Variants in ADGRB3 observed in about 807,000 individuals in gnomAD.
ADGRB3 encodes adhesion G protein-coupled receptor B3.
A neutral mutation model predicts 193.4 loss-of-function variants in ADGRB3; 37 were observed. The observed-to-expected ratio is 0.19, with a 90% CI of 0.15 to 0.25. The LOEUF (loss-of-function observed/expected upper bound fraction) is 0.25. Among genes scored for constraint, ADGRB3 ranks in the 10% least tolerant of loss-of-function variants. The pLI, the probability that ADGRB3 is intolerant of heterozygous loss-of-function variation, is 1.00. For synonymous variants in ADGRB3, 690 were observed against 644.2 expected (o/e 1.07, Z -1.08); for missense variants, 1,637 against 1,852.9 (o/e 0.88, Z 2.14).
rs746281020 is a variant in ADGRB3, at chr6:69,030,956, T to TTCTTTTC, written c.2107+12458_2107+12459insCTTTTCT. Among the ~76,000 whole-genome samples, 28 of 72,426 alleles carry TTCTTTTC rather than the reference T, an allele frequency of 3.9e-4. 3 individuals are homozygous for TTCTTTTC. Among genetic ancestry groups the TTCTTTTC allele is most frequent in the African/African-American group, 1.5e-3 (26 of 17,254 alleles). The allele number at this position is 72,426 out of a possible 152,430, so 47.5% of individuals were successfully genotyped here. A position where few individuals can be genotyped will look rare whatever the true frequency, so the allele number is the denominator to read the frequency against. On this transcript the variant is annotated intron_variant, in intron 13 of 31. Coordinates refer to ENST00000370598, the MANE Select transcript of ADGRB3 (RefSeq NM_001704.3). ...GGTTTTAATTTTCTTTTCTTTTCTTTTTTTCTTTTCTTTTCTTTTCTTTTC... is the reference window on the plus strand; with the variant it reads ...GGTTTTAATTTTCTTTTCTTTTCTTTTCTTTTCTTTTCTTTTCTTTTCTTTTCTTTTC...
intron 13 of ADGRB3, among the ~76,000 whole-genome samples, chr6:69,031,783 C>T (rs117681440): frequency 2.1e-3 from 316 of 151,520 alleles, no homozygotes; most frequent in Non-Finnish European, 2.9e-3. Flanking sequence ...TACAGTCATG[C>T]GCCACCACGC....
At chr6:69,037,985 T>G (rs888594469) in intron 13 of ADGRB3, among the ~76,000 whole-genome samples, 2 of 152,198 alleles carry the variant, frequency 1.3e-5, no homozygotes, top group African/African-American at 2.4e-5. Flanking sequence ...TCCATGAGGA[T>G]GGAGACTTTT....
intron 3 of ADGRB3, among the ~76,000 whole-genome samples, chr6:68,775,305 G>T (rs902079473): frequency 5.9e-5 from 9 of 152,154 alleles, no homozygotes; most frequent in African/African-American, 2.2e-4. Context: ...AACACTACCG[G>T]CTAGCTAAGG....
At chr6:68,888,314 G>A (rs1373101952) in intron 3 of ADGRB3, among the ~76,000 whole-genome samples, 1 of 152,082 alleles carries the variant, frequency 6.6e-6, no homozygotes, top group East Asian at 1.9e-4. Flanking sequence ...TTTATAATAA[G>A]AGATACGGTA....
At chr6:68,948,718 T>C (rs1767838678) in intron 6 of ADGRB3, among the ~76,000 whole-genome samples, 2 of 152,100 alleles carry the variant, frequency 1.3e-5, no homozygotes, top group African/African-American at 4.8e-5. Flanking sequence ...CTGATATGTT[T>C]CCATGCAGTA....
intron 31 of ADGRB3, among the ~76,000 whole-genome samples, chr6:69,387,117 G>C (rs1176911184): frequency 6.6e-6 from 1 of 152,022 alleles, no homozygotes; most frequent in Non-Finnish European, 1.5e-5. Flanking sequence ...TTGAGGTTCA[G>C]AAAAATGAAA....
At chr6:69,052,265 T>C (rs1353446627) in intron 15 of ADGRB3, among the ~76,000 whole-genome samples, 1 of 152,232 alleles carries the variant, frequency 6.6e-6, no homozygotes, top group Non-Finnish European at 1.5e-5. Context: ...ATGTTTGTAC[T>C]ATGAAAATAT....
At position 68,975,225 on chromosome 6, in the gene ADGRB3, G is replaced by A; in HGVS notation, c.1628-9G>A. ...TATAAAGCTTCTCTCTGTTCTTTGT[G>A]ACACACAGGCACCACTAGCAGACGC... On this transcript the variant is annotated splice_polypyrimidine_tract_variant and intron_variant, in intron 9 of 31. Transcript: ENST00000370598. The A allele has an allele frequency of 1.9e-6, 3 of 1,610,924 alleles. No individual in the cohort carries two copies. Among genetic ancestry groups the A allele is most frequent in the Non-Finnish European group, 2.5e-6 (3 of 1,177,256 alleles).
intron 3 of ADGRB3, among the ~76,000 whole-genome samples, chr6:68,729,376 T>C (rs1014628814): frequency 3.3e-5 from 5 of 151,656 alleles, no homozygotes; most frequent in Non-Finnish European, 7.4e-5. Context: ...TTGACTATAG[T>C]ACAGAAATGA....
In ADGRB3 at chr6:68,946,363, A is replaced by G. The variant is rs577188577; in HGVS notation, c.1195+2369A>G. ...CATCATCAACTATCAATGAGATGTA[A>G]GGCACTGCTGAGAAGTATATATAGT... is the stretch of plus-strand genomic sequence containing the variant. On this transcript the variant is annotated intron_variant, in intron 6 of 31. Transcript: ENST00000370598. 2.3e-4 allele frequency among the ~76,000 whole-genome samples: 35 copies of G among 152,234 alleles called. No homozygotes were observed. The South Asian group carries it at 6.2e-3, about 27-fold the overall frequency.
intron 3 of ADGRB3, among the ~76,000 whole-genome samples, chr6:68,755,987 A>G (rs374977496): frequency 2.6e-5 from 4 of 152,188 alleles, no homozygotes; most frequent in East Asian, 3.9e-4. Context: ...TAGGTAGAGG[A>G]AAAAATGCTT....
intron 17 of ADGRB3, among the ~76,000 whole-genome samples, chr6:69,187,140 A>G (rs549282614): frequency 2.0e-5 from 3 of 152,172 alleles, no homozygotes; most frequent in African/African-American, 7.2e-5. Context: ...ATATTGCTTC[A>G]TGTTTACAAT....
At chr6:68,984,745 A>G (rs1466842681) in intron 10 of ADGRB3, among the ~76,000 whole-genome samples, 1 of 152,188 alleles carries the variant, frequency 6.6e-6, no homozygotes, top group Non-Finnish European at 1.5e-5. Flanking sequence ...GCAAAAAGAA[A>G]TGTTAGCCAT....
chr6:69,008,101 A>AAAT (rs1347868156), intron 11 of ADGRB3, among the ~76,000 whole-genome samples: 9 of 152,276 alleles, frequency 5.9e-5, no homozygotes, highest in African/African-American at 2.2e-4. Flanking sequence ...ATTACATTTT[A>AAAT]AAGGCCCCAA....
At chr6:69,344,123 A>G (rs1769035775) in intron 26 of ADGRB3, among the ~76,000 whole-genome samples, 1 of 152,178 alleles carries the variant, frequency 6.6e-6, no homozygotes, top group Admixed American at 6.5e-5. Flanking sequence ...AGATCGTGAT[A>G]CAAAACAAGC....
intron 17 of ADGRB3, among the ~76,000 whole-genome samples, chr6:69,200,345 T>C (rs959806332): frequency 5.9e-5 from 9 of 152,082 alleles, no homozygotes; most frequent in African/African-American, 1.4e-4. Context: ...ATAGCACAGA[T>C]GTGGCAGAGA....
At chr6:69,333,108 G>C in intron 24 of ADGRB3, 100 bp downstream of exon 24, 4 of 858,226 alleles carry the variant, frequency 4.7e-6, no homozygotes, top group Non-Finnish European at 6.4e-6. Flanking sequence ...CTTGAATTTT[G>C]TTATTGATGT....
At chr6:69,261,956 T>G (rs1766939474) in intron 20 of ADGRB3, among the ~76,000 whole-genome samples, 1 of 152,056 alleles carries the variant, frequency 6.6e-6, no homozygotes, top group African/African-American at 2.4e-5. Context: ...CTGTCTTTAT[T>G]AACAGGTTAC....
At chr6:68,959,718 A>C (rs1049610559) in intron 8 of ADGRB3, among the ~76,000 whole-genome samples, 5 of 152,144 alleles carry the variant, frequency 3.3e-5, no homozygotes, top group African/African-American at 1.2e-4. Context: ...ATTGATGACA[A>C]AAAATGTATT....
Sources: allele counts gnomAD v4.1 joint callset (sites outside exome capture counted in the v4.1 genomes callset), GRCh38; gene constraint gnomAD v4.1.1; transcripts MANE v1.5; gene names NCBI Gene and HGNC (gene_info 2026-07-23, HGNC 2026-07-21).